The following COL12A1 variants were observed in gnomAD, a reference collection of about 807,000 sequenced individuals.
The protein encoded by COL12A1 is collagen type XII alpha 1 chain, also known as collagen alpha-1(XII) chain.
COL12A1 carries 114 observed loss-of-function variants against 349.7 expected under a neutral mutation model. That is an observed-to-expected ratio of 0.33 (90% CI 0.28 to 0.38). COL12A1 has a LOEUF of 0.38. COL12A1 is among the 10% of genes least tolerant of loss of function. The pLI is 1.00. For missense variants in COL12A1, 3,284 were observed against 3,756.9 expected, an observed-to-expected ratio of 0.87 and a Z score of 3.29; for synonymous variants, 1,369 against 1,329.0, an observed-to-expected ratio of 1.03 and a Z score of -0.66.
intron 12 of COL12A1, 145 bp from the exon 13 acceptor site, chr6:75,175,455 A>G: frequency 1.1e-6 from 1 of 915,488 alleles, no homozygotes; most frequent in Middle Eastern, 3.4e-4. Context: ...TTGACCAGCC[A>G]ACAAAGCTTA....
intron 38 of COL12A1, 22 bp downstream of exon 38, chr6:75,128,274 A>G: frequency 6.5e-7 from 1 of 1,545,150 alleles, no homozygotes. Context: ...CAAAAATAAA[A>G]GGGGGAGTAC....
intron 43 of COL12A1, among the ~76,000 whole-genome samples, chr6:75,123,055 T>C (rs1765825266): frequency 6.6e-6 from 1 of 152,160 alleles, no homozygotes; most frequent in South Asian, 2.1e-4. Context: ...CATGTAACTA[T>C]GGACCATGGA....
intron 14 of COL12A1, among the ~76,000 whole-genome samples, chr6:75,160,189 C>T (rs549790980): frequency 6.6e-6 from 1 of 152,204 alleles, no homozygotes; most frequent in East Asian, 1.9e-4. Flanking sequence ...GTGTTAGTAA[C>T]TATCACCAGA....
chr6:75,092,855 C>T (rs2149330745), intron 60 of COL12A1, among the ~76,000 whole-genome samples: 1 of 152,264 alleles, frequency 6.6e-6, no homozygotes, highest in South Asian at 2.1e-4. Context: ...TCATCTATGC[C>T]TAGCTATCTG....
intron 27 of COL12A1, among the ~76,000 whole-genome samples, chr6:75,140,546 C>T (rs541341440): frequency 9.9e-5 from 15 of 151,364 alleles, no homozygotes; most frequent in African/African-American, 3.4e-4. Flanking sequence ...GTCCCAGCTA[C>T]TCCGGAGGCT....
intron 13 of COL12A1, among the ~76,000 whole-genome samples, chr6:75,166,453 T>A (rs1768312277): frequency 6.6e-6 from 1 of 152,162 alleles, no homozygotes; most frequent in South Asian, 2.1e-4. Flanking sequence ...TTCTAGCTGA[T>A]CAAAAACGTC....
intron 50 of COL12A1, 142 bp downstream of exon 50, chr6:75,113,460 T>C (rs917098031): frequency 8.8e-6 from 8 of 906,164 alleles, no homozygotes; most frequent in Non-Finnish European, 1.2e-5. Context: ...TTTACTGATG[T>C]GTTATACTTG....
rs368180489 is a variant in COL12A1 at position 75,142,106 on chromosome 6, G to T, written c.4883C>A (p.Thr1628Asn). 6.2e-7 allele frequency: 1 copy of T among 1,614,126 alleles called. No individual in the cohort carries two copies. Among genetic ancestry groups the T allele is most frequent in the South Asian group, 1.1e-5 (1 of 91,082 alleles). ...STSLKDLFSQ[T>N]LYTVSVSAVH... ...TGCAGAAACGCTGACTGTGTACAAG[G>T]TCTGTGAGAAGAGGTCTTTGAGGGA... Residue 1628 changes from threonine (T) to asparagine (N), a missense_variant, in exon 27 of 66, where the codon ACC (threonine) becomes AAC (asparagine). By Grantham distance (65) the Thr-to-Asn change is moderately conservative (BLOSUM62 0). Transcript: ENST00000322507.
intron 25 of COL12A1, among the ~76,000 whole-genome samples, chr6:75,144,244 A>C (rs1242621737): frequency 6.6e-6 from 1 of 152,148 alleles, no homozygotes; most frequent in Non-Finnish European, 1.5e-5. Flanking sequence ...CAGCACTTTC[A>C]GAACATGAGT....
At chr6:75,201,143 C>T (rs540327260) in intron 2 of COL12A1, among the ~76,000 whole-genome samples, 21 of 152,276 alleles carry the variant, frequency 1.4e-4, no homozygotes, top group African/African-American at 5.1e-4. Flanking sequence ...ATTCTCAACT[C>T]TTTCTGATTT....
chr6:75,156,305 T>C lies in COL12A1; in HGVS notation c.3202A>G (p.Ile1068Val), dbSNP rs201852681. 2.4e-4 allele frequency: 383 copies of C among 1,613,884 alleles called. 1 individual carries two copies. Among genetic ancestry groups the C allele is most frequent in the Admixed American group, 2.0e-3 (118 of 60,002 alleles). Reference sequence around the variant, plus strand: ...AGCTTTCCTTCTCCCATCTTGTAAATAGGAAGAACTGTGATGTCATATGTG... The same window carrying C: ...AGCTTTCCTTCTCCCATCTTGTAAACAGGAAGAACTGTGATGTCATATGTG... ...QTTYDITVLP[I>V]YKMGEGKLRQ... The change falls in exon 15 of 66, where the codon ATT (isoleucine) becomes GTT (valine). Residue 1068 changes from isoleucine to valine, a missense_variant. Coordinates refer to ENST00000322507, the MANE Select transcript of COL12A1 (RefSeq NM_004370.6).
rs3765496 is a variant in COL12A1 at position 75,091,215 on chromosome 6, T to C, written c.8752+108A>G. The C allele has an allele frequency of 0.046, 39,681 of 860,792 alleles. 2,732 individuals carry two copies. The highest frequency in any genetic ancestry group is 0.24 in the African/African-American group (14,038 of 58,746). The allele number at this position is 860,792 out of a possible 1,614,324, so 53.3% of individuals were successfully genotyped here. ...TGTATAAGAACAAAAGCTTATCAAA[T>C]GAAATGAAAGAGAAATCTATCTCTT... is the stretch of plus-strand genomic sequence containing the variant. On this transcript the variant is annotated intron_variant, in intron 62 of 65. Coordinates refer to ENST00000322507, the MANE Select transcript of COL12A1 (RefSeq NM_004370.6).
chr6:75,084,959 A>G lies in COL12A1; in HGVS notation c.*1588T>C. 1 of 275,780 alleles carries G rather than the reference A, an allele frequency of 3.6e-6. No individual in the cohort carries two copies. The highest frequency in any genetic ancestry group is 3.7e-5 in the South Asian group (1 of 27,138). 17.1% of individuals were successfully genotyped at this position (275,780 alleles called of 1,614,324 possible). ...ATGTTCTCTCTTTGCAGCTTTTGTT[A>G]ACAAAGTATTTTGCAAGCATTTCAA... On this transcript the variant is annotated 3_prime_UTR_variant, in exon 66 of 66. Transcript: ENST00000322507.
In COL12A1 at chr6:75,111,050, T is replaced by C. The variant is rs149473508; in HGVS notation, c.7951-1883A>G. Among the ~76,000 whole-genome samples, 437 of 152,036 alleles carry C rather than the reference T, an allele frequency of 2.9e-3. 6 individuals carry two copies. The highest frequency in any genetic ancestry group is 9.7e-3 in the African/African-American group (403 of 41,534). ...CACACAATGGTAACTGTAGAGGTAATAGATATGTTAATTAGCTTGATTGTG... is the reference window on the plus strand; with the variant it reads ...CACACAATGGTAACTGTAGAGGTAACAGATATGTTAATTAGCTTGATTGTG... On this transcript the variant is annotated intron_variant, in intron 51 of 65. Coordinates refer to ENST00000322507, the MANE Select transcript of COL12A1 (RefSeq NM_004370.6).
rs779184954 is a variant in COL12A1, at chr6:75,101,628, G to C, written c.8495C>G (p.Pro2832Arg). 23 of 1,613,698 alleles carry C rather than the reference G, an allele frequency of 1.4e-5. No individual in the cohort carries two copies. The Admixed American group carries it at 3.5e-4, about 25-fold the overall frequency. Residue 2832 changes from proline (P) to arginine (R), a missense_variant, in exon 58 of 66, where the codon CCA (proline) becomes CGA (arginine). This residue lies in a region of COL12A1 where 683 missense variants were observed against 932.1 expected (regional missense o/e 0.73). Coordinates refer to ENST00000322507, the MANE Select transcript of COL12A1 (RefSeq NM_004370.6). ...GTCTCCTGGAGGTCCCATTGGTCCTGGTGGGCCAGGTAATCCTGGGGTTCC... is the reference window on the plus strand; with the variant it reads ...GTCTCCTGGAGGTCCCATTGGTCCTCGTGGGCCAGGTAATCCTGGGGTTCC... ...RTGTPGLPGP[P>R]GPMGPPGDRG...
At chr6:75,122,242 A>T (rs1476244217) in intron 43 of COL12A1, among the ~76,000 whole-genome samples, 1 of 152,224 alleles carries the variant, frequency 6.6e-6, no homozygotes, top group Non-Finnish European at 1.5e-5. Flanking sequence ...AAAAATTCCA[A>T]AAACAATTAA....
At chr6:75,155,897 A>G in intron 15 of COL12A1, 43 bp from the exon 16 acceptor site, 2 of 1,545,554 alleles carry the variant, frequency 1.3e-6, no homozygotes, top group Non-Finnish European at 1.7e-6. Flanking sequence ...CTGTAAGACT[A>G]GGCTTTGGGG....
Position 75,095,140 on chromosome 6 carries a change from T to A in COL12A1, c.8617A>T (p.Lys2873Ter). Residue 2873 changes from lysine to a stop codon, truncating the protein, a stop_gained, in exon 60 of 66, where the codon AAG becomes TAG. Transcript: ENST00000322507. LOFTEE classifies it high-confidence loss of function. ...CCATGATCTCCAGGTTTTCCTGGCT[T>A]CCCACTTGGTCCTGTGACTCCTGGG... ...GSPGVTGPSG[K>*]PGKPGDHGRP... is the part of the protein sequence containing the mutation. 1 of 1,614,154 alleles carries A rather than the reference T, an allele frequency of 6.2e-7. No homozygotes were observed. The highest frequency in any genetic ancestry group is 8.5e-7 in the Non-Finnish European group (1 of 1,180,022).
Position 75,183,500 on chromosome 6 carries a change from G to T in COL12A1, c.1441C>A (p.Leu481Ile). ...EISPNRVQIS[L>I]VQYSRDPHTE... ...TGAGGATCCCGGCTGTATTGCACAAGACTAATCTGGACCCTATTTGGTGAA... is the reference window on the plus strand; with the variant it reads ...TGAGGATCCCGGCTGTATTGCACAATACTAATCTGGACCCTATTTGGTGAA... Residue 481 changes from leucine to isoleucine, a missense_variant, in exon 10 of 66, where the codon CTT (leucine) becomes ATT (isoleucine). This residue lies in a region of COL12A1 where 2,601 missense variants were observed against 2,824.8 expected (regional missense o/e 0.92). Coordinates refer to ENST00000322507, the MANE Select transcript of COL12A1 (RefSeq NM_004370.6). 6.2e-7 allele frequency: 1 copy of T among 1,614,116 alleles called. No homozygotes were observed. Among genetic ancestry groups the T allele is most frequent in the Non-Finnish European group, 8.5e-7 (1 of 1,180,012 alleles).
Sources: gnomAD v4.1 joint callset for allele counts (sites outside exome capture counted in the v4.1 genomes callset) on GRCh38, gnomAD v4.1.1 for gene constraint, gnomAD v4.1.1 regional missense constraint, MANE v1.5 for transcripts, NCBI Gene and HGNC (gene_info 2026-07-23, HGNC 2026-07-21) for gene names.